FAM162A: variants seen among roughly 807,000 people sequenced by gnomAD.
The protein encoded by FAM162A is family with sequence similarity 162 member A, also known as protein FAM162A.
Under a neutral mutation model 21.8 loss-of-function variants are expected in FAM162A, and 23 were observed. The ratio of observed to expected loss-of-function variants is 1.05; its 90% CI spans 0.76 to 1.49. The LOEUF (loss-of-function observed/expected upper bound fraction) is 1.49. Ranked by LOEUF, FAM162A falls within the 40% of genes most tolerant of loss-of-function variation. The probability of loss-of-function intolerance (pLI) is 0.00; values close to 1 mark genes in which losing one functional copy is unlikely to be tolerated. For missense variants in FAM162A, 165 were observed against 186.4 expected (o/e 0.89, Z 0.67); for synonymous variants, 53 against 61.3 (o/e 0.86, Z 0.64).
chr3:122,400,675 A>G (rs1307968313), intron 1 of FAM162A, among the ~76,000 whole-genome samples: 1 of 151,900 alleles, frequency 6.6e-6, no homozygotes, highest in Admixed American at 6.6e-5. Context: ...AAATACAAAA[A>G]AATTAGCTGG....
At chr3:122,395,715 T>C (rs2075623965) in intron 1 of FAM162A, among the ~76,000 whole-genome samples, 1 of 152,138 alleles carries the variant, frequency 6.6e-6, no homozygotes, top group Non-Finnish European at 1.5e-5. Flanking sequence ...ATTTAGAAAT[T>C]TAAGGGACCC....
intron 1 of FAM162A, among the ~76,000 whole-genome samples, chr3:122,386,824 G>A (rs1272816900): frequency 1.3e-5 from 2 of 152,144 alleles, no homozygotes; most frequent in Non-Finnish European, 2.9e-5. Flanking sequence ...GTTAACTTGT[G>A]GTACTGGACA....
intron 1 of FAM162A, among the ~76,000 whole-genome samples, chr3:122,393,248 T>C (rs2075611914): frequency 6.6e-6 from 1 of 152,046 alleles, no homozygotes; most frequent in Non-Finnish European, 1.5e-5. Context: ...TGAAAATCCA[T>C]TTTTACCCAA....
chr3:122,396,385 T>G (rs1043484177), intron 1 of FAM162A, among the ~76,000 whole-genome samples: 2 of 152,254 alleles, frequency 1.3e-5, no homozygotes, highest in South Asian at 2.1e-4. Flanking sequence ...AAATGGCCAA[T>G]TAGTACATGA....
intron 2 of FAM162A, among the ~76,000 whole-genome samples, chr3:122,403,783 T>G (rs1230714584): frequency 4.6e-5 from 7 of 152,216 alleles, no homozygotes; most frequent in African/African-American, 1.4e-4. Context: ...CTCTTTCCAC[T>G]GCGACAACTC....
intron 1 of FAM162A, among the ~76,000 whole-genome samples, chr3:122,390,226 T>C (rs776349694): frequency 2.0e-5 from 3 of 152,216 alleles, no homozygotes; most frequent in Non-Finnish European, 4.4e-5. Flanking sequence ...AGGATAAGTT[T>C]GGTACGACAT....
rs2075563465 is a variant in FAM162A at position 122,384,429 on chromosome 3, C to T, written c.34+130C>T. On this transcript the variant is annotated intron_variant, in intron 1 of 4. Coordinates refer to ENST00000477892, the MANE Select transcript of FAM162A (RefSeq NM_014367.4). The stretch of plus-strand genomic sequence containing the variant: ...CGCACTTTCTCGGTTCCTCAGAATC[C>T]TACCTACTTAGTAGCCATGTGGGAG... 4 of 1,144,652 alleles carry T rather than the reference C, an allele frequency of 3.5e-6. No homozygotes were observed. In the East Asian group the frequency reaches 7.7e-5, roughly 22 times the overall value. 70.9% of individuals were successfully genotyped at this position (1,144,652 alleles called of 1,614,324 possible). A position where few individuals can be genotyped will look rare whatever the true frequency, so the allele number is the denominator to read the frequency against.
In FAM162A at chr3:122,402,812, C is replaced by G. The variant is rs772806583; in HGVS notation, c.87C>G (p.Thr29=). 3.7e-6 allele frequency: 6 copies of G among 1,603,130 alleles called. No individual in the cohort carries two copies. The South Asian group carries it at 5.7e-5, about 15-fold the overall frequency. The change falls in exon 2 of 5, where the codon ACC becomes ACG. Residue 29 remains threonine (T), a synonymous_variant. Coordinates refer to ENST00000477892, the MANE Select transcript of FAM162A (RefSeq NM_014367.4). ...ATGTTTCCTCATCTCTAAGGCTTAC[C>G]AGAAGCTCTGATTTGAAGAGAATAA... ...ERDVSSSLRL[T]RSSDLKRING... is the part of the protein sequence containing the mutation.
At chr3:122,393,967 A>G (rs1417363152) in intron 1 of FAM162A, among the ~76,000 whole-genome samples, 2 of 152,192 alleles carry the variant, frequency 1.3e-5, no homozygotes, top group African/African-American at 4.8e-5. Context: ...AAGCAGTTTA[A>G]TTGGTTCATC....
At position 122,410,153 on chromosome 3, in the gene FAM162A, AG is replaced by A; in HGVS notation, c.*324del. On this transcript the variant is annotated 3_prime_UTR_variant, in exon 5 of 5. Coordinates refer to ENST00000477892, the MANE Select transcript of FAM162A (RefSeq NM_014367.4). ...CCCATTATCAAAGTAACCTCTCCAC[AG>A]GCGAACTCATTTTGAGGAGATAAGG... 1 of 364,794 alleles carries A rather than the reference AG, an allele frequency of 2.7e-6. No individual in the cohort carries two copies. Among genetic ancestry groups the A allele is most frequent in the South Asian group, 2.2e-5 (1 of 46,012 alleles). The allele number at this position is 364,794 out of a possible 1,614,324, so 22.6% of individuals were successfully genotyped here. A position where few individuals can be genotyped will look rare whatever the true frequency, so the allele number is the denominator to read the frequency against.
chr3:122,403,296 T>C (rs1181128494), intron 2 of FAM162A, among the ~76,000 whole-genome samples: 1 of 152,252 alleles, frequency 6.6e-6, no homozygotes, highest in Admixed American at 6.5e-5. Flanking sequence ...ATATTGGTCA[T>C]GGGCACATGC....
At chr3:122,404,461 C>A in intron 3 of FAM162A, 98 bp downstream of exon 3, 1 of 558,028 alleles carries the variant, frequency 1.8e-6, no homozygotes, top group Admixed American at 3.7e-5. Flanking sequence ...ACTTTTCAAC[C>A]AAATTTGAAA....
chr3:122,400,836 A>C (rs1269371106), intron 1 of FAM162A, among the ~76,000 whole-genome samples: 5 of 152,134 alleles, frequency 3.3e-5, no homozygotes, highest in African/African-American at 1.2e-4. Flanking sequence ...TCAAAACAAA[A>C]AAAAAAAGAC....
chr3:122,391,306 C>T (rs1029837035), intron 1 of FAM162A, among the ~76,000 whole-genome samples: 5 of 152,224 alleles, frequency 3.3e-5, no homozygotes, highest in Non-Finnish European at 4.4e-5. Context: ...CACCCTTCTG[C>T]CTCAGCCTCC....
intron 1 of FAM162A, among the ~76,000 whole-genome samples, chr3:122,393,442 A>T (rs2075613078): frequency 6.6e-6 from 1 of 152,090 alleles, no homozygotes; most frequent in Non-Finnish European, 1.5e-5. Context: ...GCTTCACAAT[A>T]GTCTTGAAAA....
At chr3:122,408,189 A>T (rs1272449411) in intron 4 of FAM162A, among the ~76,000 whole-genome samples, 1 of 152,094 alleles carries the variant, frequency 6.6e-6, no homozygotes, top group African/African-American at 2.4e-5. Context: ...CACCCCCATA[A>T]CCCTAAGAGG....
chr3:122,399,429 G>A (rs1479045322), intron 1 of FAM162A, among the ~76,000 whole-genome samples: 15 of 152,108 alleles, frequency 9.9e-5, no homozygotes, highest in Admixed American at 9.8e-4. Flanking sequence ...GTTCAAGTGA[G>A]CAATTCTCAT....
rs1361404161 is a variant in FAM162A, at chr3:122,409,949, T to G, written c.*118T>G. The G allele has an allele frequency of 1.2e-6, 1 of 850,318 alleles. No individual in the cohort carries two copies. The highest frequency in any genetic ancestry group is 2.6e-5 in the East Asian group (1 of 38,408). 52.7% of individuals were successfully genotyped at this position (850,318 alleles called of 1,614,324 possible). ...ATAAAGTATGATTTGCCCAAACCTG[T>G]ACCATTTCCGTATTTCTGCTGTAGA... On this transcript the variant is annotated 3_prime_UTR_variant, in exon 5 of 5. Coordinates refer to ENST00000477892, the MANE Select transcript of FAM162A (RefSeq NM_014367.4).
At chr3:122,392,989 C>T (rs1181645904) in intron 1 of FAM162A, among the ~76,000 whole-genome samples, 1 of 152,138 alleles carries the variant, frequency 6.6e-6, no homozygotes, top group Non-Finnish European at 1.5e-5. Flanking sequence ...CCATTTAACC[C>T]TCAAATCAAC....
Sources: gnomAD v4.1 joint callset for allele counts (sites outside exome capture counted in the v4.1 genomes callset) on GRCh38, gnomAD v4.1.1 for gene constraint, MANE v1.5 for transcripts, NCBI Gene and HGNC (gene_info 2026-07-23, HGNC 2026-07-21) for gene names.